Variants in TENM1 observed in about 807,000 individuals in gnomAD.
TENM1 encodes teneurin-1.
A neutral mutation model predicts 174.8 loss-of-function variants in TENM1; 35 were observed. The ratio of observed to expected loss-of-function variants is 0.20; its 90% CI spans 0.15 to 0.27. The LOEUF (loss-of-function observed/expected upper bound fraction) is 0.27, where lower values mean the gene tolerates loss of function less well. TENM1 is among the 10% of genes least tolerant of loss of function. TENM1 has a pLI of 1.00. For missense variants in TENM1, 1,633 were observed against 2,130.1 expected (o/e 0.77, Z 4.59); for synonymous variants, 781 against 798.7 (o/e 0.98, Z 0.37).
the TENM1 span, among the ~76,000 whole-genome samples, chrX:125,051,339 A>G: frequency 9.1e-6 from 1 of 110,356 alleles, no homozygotes; most frequent in Non-Finnish European, 1.9e-5. Context: ...ATTGGAAAAA[A>G]CTACTTTAAA....
chrX:124,404,814 A>G (rs1437623564), intron 27 of TENM1, among the ~76,000 whole-genome samples: 1 of 111,465 alleles, frequency 9.0e-6, no homozygotes, highest in Non-Finnish European at 1.9e-5. Flanking sequence ...GAAAGCTCCT[A>G]TTAGAATGCT....
At chrX:124,505,176 C>T (rs747873087) in intron 18 of TENM1, among the ~76,000 whole-genome samples, 50 of 112,419 alleles carry the variant, frequency 4.4e-4, no homozygotes, top group African/African-American at 1.5e-3. Context: ...TCTGTATTTC[C>T]GTTTTCATTT....
At chrX:124,618,909 T>C (rs1343303361) in intron 11 of TENM1, among the ~76,000 whole-genome samples, 1 of 111,511 alleles carries the variant, frequency 9.0e-6, no homozygotes, top group African/African-American at 3.3e-5. Flanking sequence ...AGCAAGATCC[T>C]GTCTCTACAA....
chrX:125,055,503 C>T, the TENM1 span, among the ~76,000 whole-genome samples: 1 of 111,762 alleles, frequency 8.9e-6, no homozygotes, highest in South Asian at 3.7e-4. Context: ...ATGTCATCTA[C>T]TTTATTTCTA....
At chrX:124,544,434 T>G (rs948305432) in intron 15 of TENM1, among the ~76,000 whole-genome samples, 3 of 112,269 alleles carry the variant, frequency 2.7e-5, no homozygotes, top group Non-Finnish European at 5.6e-5. Context: ...ACCTACCATA[T>G]AGAGTTTTTG....
At position 124,645,477 on chromosome X, in the gene TENM1, A is replaced by G. The variant is rs901277087; in HGVS notation, c.1682-140T>C. 16 of 509,670 alleles carry G rather than the reference A, an allele frequency of 3.1e-5. No homozygotes were observed. In the African/African-American group the frequency reaches 3.3e-4, roughly 11 times the overall value. 42.0% of individuals were successfully genotyped at this position (509,670 alleles called of 1,213,427 possible). A position where few individuals can be genotyped will look rare whatever the true frequency, so the allele number is the denominator to read the frequency against. ...CCCTTTATTAAATAGGCACATGTTC[A>G]TGATTACAAACAGAATTTTCCTCTT... On this transcript the variant is annotated intron_variant, in intron 9 of 31. Coordinates refer to ENST00000422452, the Ensembl canonical transcript of TENM1.
the TENM1 span, among the ~76,000 whole-genome samples, chrX:124,990,932 C>A: frequency 9.0e-6 from 1 of 111,210 alleles, no homozygotes; most frequent in Non-Finnish European, 1.9e-5. Context: ...GTAGCAAACT[C>A]CCTTGAGTGC....
At chrX:124,583,052 C>A (rs1200316110) in intron 11 of TENM1, among the ~76,000 whole-genome samples, 1 of 112,260 alleles carries the variant, frequency 8.9e-6, no homozygotes, top group South Asian at 3.7e-4. Context: ...GGGTGGAGCC[C>A]ACCACAGCTC....
chrX:124,711,896 T>A (rs1603047606), intron 4 of TENM1, among the ~76,000 whole-genome samples: 2 of 111,855 alleles, frequency 1.8e-5, no homozygotes, highest in Admixed American at 1.9e-4. Flanking sequence ...TCTATTTGTT[T>A]CTATGATTTT....
At chrX:124,721,709 G>A (rs2053312435) in intron 4 of TENM1, among the ~76,000 whole-genome samples, 1 of 111,833 alleles carries the variant, frequency 8.9e-6, no homozygotes, top group South Asian at 3.7e-4. Context: ...CTTGCTCCAA[G>A]AAATTTTAAT....
At chrX:124,389,860 T>G (rs949804350) in intron 28 of TENM1, among the ~76,000 whole-genome samples, 2 of 112,354 alleles carry the variant, frequency 1.8e-5, no homozygotes, top group African/African-American at 6.5e-5. Flanking sequence ...CGTTCCATAA[T>G]TATGCGTTCT....
At chrX:124,785,843 A>G (rs887456432) in intron 3 of TENM1, among the ~76,000 whole-genome samples, 1 of 112,209 alleles carries the variant, frequency 8.9e-6, no homozygotes, top group South Asian at 3.7e-4. Flanking sequence ...AAATGGTGAC[A>G]TTTCAAATTA....
intron 18 of TENM1, among the ~76,000 whole-genome samples, chrX:124,506,569 T>G (rs111421580): frequency 8.9e-6 from 1 of 112,152 alleles, no homozygotes; most frequent in Non-Finnish European, 1.9e-5. Flanking sequence ...TATGAGCTAA[T>G]GAAGTTATAA....
chrX:125,054,823 T>C, the TENM1 span, among the ~76,000 whole-genome samples: 1 of 111,637 alleles, frequency 9.0e-6, no homozygotes, highest in Admixed American at 9.6e-5. Context: ...GTGCACTGCC[T>C]TTCTTGGCAT....
At chrX:124,895,904 A>G in intron 2 of TENM1, 77 bp downstream of exon 5, 1 of 1,102,851 alleles carries the variant, frequency 9.1e-7, no homozygotes, top group South Asian at 2.1e-5. Context: ...GGGCAGATAT[A>G]GGGAAGGAGA....
At chrX:124,571,754 A>G (rs987150033) in intron 11 of TENM1, among the ~76,000 whole-genome samples, 2 of 111,709 alleles carry the variant, frequency 1.8e-5, no homozygotes, top group African/African-American at 6.5e-5. Context: ...GAAGAAATAG[A>G]AAACCTGAGT....
chrX:124,876,907 A>T (rs1478009893), intron 3 of TENM1, among the ~76,000 whole-genome samples: 1 of 111,407 alleles, frequency 9.0e-6, no homozygotes, highest in African/African-American at 3.3e-5. Flanking sequence ...ATTTCGACAT[A>T]CTCACGTCTT....
chrX:124,729,679 T>G (rs2053519428), intron 4 of TENM1, among the ~76,000 whole-genome samples: 1 of 112,046 alleles, frequency 8.9e-6, no homozygotes, highest in Non-Finnish European at 1.9e-5. Flanking sequence ...CAATCCCCAA[T>G]GTACTGGGTA....
chrX:124,920,865 T>G (rs2058008637), intron 1 of TENM1, among the ~76,000 whole-genome samples: 1 of 110,586 alleles, frequency 9.0e-6, no homozygotes, highest in African/African-American at 3.3e-5. Flanking sequence ...CAACCTATTG[T>G]TTTCCCATCC....
Sources: allele counts gnomAD v4.1 joint callset (sites outside exome capture counted in the v4.1 genomes callset), GRCh38; gene constraint gnomAD v4.1.1; transcripts MANE v1.5; gene names NCBI Gene and HGNC (gene_info 2026-07-23, HGNC 2026-07-21).